The following BLTP3A variants were observed in gnomAD, a reference collection of about 807,000 sequenced individuals.
The protein encoded by BLTP3A is ICBP90 binding protein 1.
the BLTP3A span, among the ~76,000 whole-genome samples, chr6:34,826,241 C>T: frequency 6.6e-6 from 1 of 151,888 alleles, no homozygotes; most frequent in Non-Finnish European, 1.5e-5. Flanking sequence ...AGGCTGGTCT[C>T]GAATTCCTGA....
the BLTP3A span, chr6:34,855,661 T>C: frequency 1.9e-6 from 3 of 1,613,888 alleles, no homozygotes; most frequent in South Asian, 2.2e-5. Flanking sequence ...GCAGCTTACC[T>C]TCCGCAAGAT....
chr6:34,823,137 A>G, the BLTP3A span: 1 of 778,492 alleles, frequency 1.3e-6, no homozygotes. Flanking sequence ...TTGTCTGCCC[A>G]CAATGGGTAT....
chr6:34,859,284 G>A, the BLTP3A span: 1 of 1,613,750 alleles, frequency 6.2e-7, no homozygotes, highest in Non-Finnish European at 8.5e-7. Flanking sequence ...AGTCCCTACA[G>A]GCCAAGAAAC....
chr6:34,847,921 C>CTTTCTTTTTT, the BLTP3A span, among the ~76,000 whole-genome samples: 1,085 of 90,954 alleles, frequency 0.012, 197 homozygotes, highest in African/African-American at 0.038. Flanking sequence ...TCTTTTTTTC[C>CTTTCTTTTTT]TTTTTTTTTT....
the BLTP3A span, among the ~76,000 whole-genome samples, chr6:34,802,368 G>A: frequency 2.8e-5 from 4 of 144,578 alleles, no homozygotes; most frequent in East Asian, 3.9e-4. Flanking sequence ...CACCAAGCCC[G>A]GCTAATTTTT....
At chr6:34,839,228 C>A in the BLTP3A span, among the ~76,000 whole-genome samples, 15 of 152,118 alleles carry the variant, frequency 9.9e-5, no homozygotes, top group Non-Finnish European at 1.0e-4. Context: ...CCAGCCTGGG[C>A]AACAAGAACA....
the BLTP3A span, among the ~76,000 whole-genome samples, chr6:34,838,804 C>T: frequency 3.3e-5 from 5 of 152,240 alleles, no homozygotes; most frequent in South Asian, 6.2e-4. Flanking sequence ...ATCAGCTGGG[C>T]GTGGTGGCAC....
chr6:34,858,783 G>C, the BLTP3A span: 1 of 1,614,146 alleles, frequency 6.2e-7, no homozygotes, highest in Non-Finnish European at 8.5e-7. Flanking sequence ...CTCTGACAGA[G>C]CTGGAGGATG....
the BLTP3A span, among the ~76,000 whole-genome samples, chr6:34,844,746 G>C: frequency 1.6e-4 from 25 of 152,222 alleles, no homozygotes; most frequent in African/African-American, 5.1e-4. Context: ...ATTTAGTCTA[G>C]TTATTAATCC....
At chr6:34,836,166 C>T in the BLTP3A span, 1 of 1,614,026 alleles carries the variant, frequency 6.2e-7, no homozygotes, top group East Asian at 2.2e-5. Context: ...ATCACTCCAC[C>T]AGCCCCCAGT....
chr6:34,860,186 T>C, the BLTP3A span, among the ~76,000 whole-genome samples: 1 of 151,958 alleles, frequency 6.6e-6, no homozygotes, highest in Non-Finnish European at 1.5e-5. Context: ...GTCAGAGTAA[T>C]AGAGAAGGAA....
At chr6:34,794,776 C>T in the BLTP3A span, among the ~76,000 whole-genome samples, 1 of 143,430 alleles carries the variant, frequency 7.0e-6, no homozygotes, top group Non-Finnish European at 1.5e-5. Flanking sequence ...CTCCTATGAA[C>T]GTAGAGTTTT....
At chr6:34,832,161 T>C in the BLTP3A span, among the ~76,000 whole-genome samples, 6 of 147,800 alleles carry the variant, frequency 4.1e-5, 1 homozygote, top group East Asian at 8.2e-4. Flanking sequence ...ACTCTGTCAC[T>C]CAGGTTGGAG....
chr6:34,797,858 T>C, the BLTP3A span, among the ~76,000 whole-genome samples: 1 of 152,220 alleles, frequency 6.6e-6, no homozygotes, highest in Non-Finnish European at 1.5e-5. Flanking sequence ...AAAAGTTAAA[T>C]AACTTACCCA....
the BLTP3A span, among the ~76,000 whole-genome samples, chr6:34,831,353 T>C: frequency 0.45 from 67,701 of 151,754 alleles, 17,115 homozygotes; most frequent in African/African-American, 0.7. Context: ...GTCTCGAACT[T>C]CTGACCTCAG....
the BLTP3A span, among the ~76,000 whole-genome samples, chr6:34,803,830 G>A: frequency 6.6e-6 from 1 of 152,062 alleles, no homozygotes; most frequent in African/African-American, 2.4e-5. Flanking sequence ...GTTAATCCAA[G>A]CTGACTGCTT....
the BLTP3A span, among the ~76,000 whole-genome samples, chr6:34,820,125 A>T: frequency 6.6e-6 from 1 of 151,948 alleles, no homozygotes. Flanking sequence ...TCACATTCTT[A>T]ACTTCATGTA....
the BLTP3A span, among the ~76,000 whole-genome samples, chr6:34,832,641 G>A: frequency 6.6e-6 from 1 of 151,746 alleles, no homozygotes; most frequent in African/African-American, 2.4e-5. Context: ...TGTAGAGAGG[G>A]CATCTCCCTT....
the BLTP3A span, among the ~76,000 whole-genome samples, chr6:34,853,617 A>G: frequency 0.18 from 27,982 of 151,556 alleles, 3,030 homozygotes; most frequent in African/African-American, 0.29. Context: ...CTGGAGTGCA[A>G]TGGCGCCATC....
Sources: allele counts gnomAD v4.1 joint callset (sites outside exome capture counted in the v4.1 genomes callset), GRCh38; gene constraint gnomAD v4.1.1; transcripts MANE v1.5; gene names NCBI Gene and HGNC (gene_info 2026-07-23, HGNC 2026-07-21).